The following RSRC1 variants were observed in gnomAD, a reference collection of about 807,000 sequenced individuals.
RSRC1 encodes serine/Arginine-related protein 53.
A neutral mutation model predicts 49.1 loss-of-function variants in RSRC1; 39 were observed. The ratio of observed to expected loss-of-function variants is 0.79; its 90% CI spans 0.61 to 1.04. RSRC1 has a LOEUF of 1.04. Ranked by LOEUF, RSRC1 falls within the 50% of genes least tolerant of loss-of-function variation. The pLI is 0.00. For missense variants in RSRC1, 388 were observed against 402.4 expected (o/e 0.96, Z 0.31); for synonymous variants, 143 against 130.8 (o/e 1.09, Z -0.63).
rs1200734084 is a variant in RSRC1, at chr3:158,208,056, A to G, written c.494+4811A>G. ...AGGTCTCAGGAGTTTCTAGGGACTA[A>G]AAGATGCCTTTCCTTATAACACTGT... On this transcript the variant is annotated intron_variant, in intron 4 of 9. Coordinates refer to ENST00000611884, the MANE Select transcript of RSRC1 (RefSeq NM_001271838.2). Among the ~76,000 whole-genome samples the G allele has an allele frequency of 4.6e-5, 7 of 152,154 alleles. No homozygotes were observed. In the East Asian group the frequency reaches 1.3e-3, roughly 29 times the overall value.
rs1731050729 is a variant in RSRC1, at chr3:158,354,445, A to G, written c.532-412A>G. 2.0e-5 allele frequency among the ~76,000 whole-genome samples: 3 copies of G among 152,228 alleles called. No homozygotes were observed. The South Asian group carries it at 6.2e-4, about 31-fold the overall frequency. On this transcript the variant is annotated intron_variant, in intron 5 of 9. Transcript: ENST00000611884. ...TTTAAATTCCAGTTAGGAAAGCAGAAAAGTGGTTTTAGAGTCTGACTTACC... is the reference window on the plus strand; with the variant it reads ...TTTAAATTCCAGTTAGGAAAGCAGAGAAGTGGTTTTAGAGTCTGACTTACC...
chr3:158,229,084 GTATAAACACACATACGTGTATATGTGTA>G (rs1722741203), intron 4 of RSRC1, among the ~76,000 whole-genome samples: 1 of 17,540 alleles, frequency 5.7e-5, no homozygotes, highest in African/African-American at 3.5e-4. Context: ...GTATATGTGT[GTATAAACACACATACGTGTATATGTGTA>G]TATAAACATA....
chr3:158,137,730 T>G (rs916577097), intron 3 of RSRC1, among the ~76,000 whole-genome samples: 2 of 150,458 alleles, frequency 1.3e-5, no homozygotes, highest in African/African-American at 2.4e-5. Context: ...CTCAGCTCAC[T>G]GCGACCTCCG....
At chr3:158,189,577 C>T (rs1252569009) in intron 3 of RSRC1, among the ~76,000 whole-genome samples, 1 of 151,832 alleles carries the variant, frequency 6.6e-6, no homozygotes, top group East Asian at 1.9e-4. Context: ...CACCATGTTT[C>T]TTTTTGTTAG....
At chr3:158,511,222 C>A (rs1740153740) in intron 7 of RSRC1, among the ~76,000 whole-genome samples, 1 of 152,068 alleles carries the variant, frequency 6.6e-6, no homozygotes, top group Non-Finnish European at 1.5e-5. Context: ...CGTCATCTAG[C>A]ATTAGGTATA....
chr3:158,330,053 C>T (rs974578594), intron 5 of RSRC1, among the ~76,000 whole-genome samples: 1 of 152,356 alleles, frequency 6.6e-6, no homozygotes, highest in Non-Finnish European at 1.5e-5. Flanking sequence ...ATATTATCTC[C>T]TGGTGTGCCG....
At chr3:158,392,013 TATA>T (rs962099212) in intron 6 of RSRC1, among the ~76,000 whole-genome samples, 11 of 152,108 alleles carry the variant, frequency 7.2e-5, no homozygotes, top group Non-Finnish European at 4.4e-5. Flanking sequence ...GACCCTTGAT[TATA>T]ATAATAAGAT....
At chr3:158,318,026 CGT>C (rs143213290) in intron 5 of RSRC1, among the ~76,000 whole-genome samples, 66,249 of 149,154 alleles carry the variant, frequency 0.44, 14,725 homozygotes, top group South Asian at 0.56. Flanking sequence ...TTTGTGTGTG[CGT>C]GTGTGTGTGT....
At chr3:158,326,819 T>G (rs1578341129) in intron 5 of RSRC1, among the ~76,000 whole-genome samples, 1 of 152,224 alleles carries the variant, frequency 6.6e-6, no homozygotes, top group East Asian at 1.9e-4. Context: ...AGCTCCTCCT[T>G]GTACCTCTGG....
Position 158,334,520 on chromosome 3 carries a change from C to T in RSRC1, c.532-20337C>T, listed in dbSNP as rs191377679. Among the ~76,000 whole-genome samples the T allele has an allele frequency of 5.3e-5, 8 of 150,200 alleles. No individual in the cohort carries two copies. The East Asian group carries it at 5.9e-4, about 11-fold the overall frequency. On this transcript the variant is annotated intron_variant, in intron 5 of 9. Coordinates refer to ENST00000611884, the MANE Select transcript of RSRC1 (RefSeq NM_001271838.2). ...TTTTTTTAAGATGGAGTCACTGTGTCGCCAGGCTGGAGTGCAGTGGTGCGA... is the reference window on the plus strand; with the variant it reads ...TTTTTTTAAGATGGAGTCACTGTGTTGCCAGGCTGGAGTGCAGTGGTGCGA...
chr3:158,127,015 G>C (rs1200360031), intron 3 of RSRC1, among the ~76,000 whole-genome samples: 1 of 152,022 alleles, frequency 6.6e-6, no homozygotes, highest in Non-Finnish European at 1.5e-5. Flanking sequence ...GCTCCCTTGT[G>C]TATGACGATT....
At chr3:158,186,138 C>G (rs890655302) in intron 3 of RSRC1, among the ~76,000 whole-genome samples, 1 of 151,490 alleles carries the variant, frequency 6.6e-6, no homozygotes, top group Non-Finnish European at 1.5e-5. Context: ...CAATAAACGC[C>G]GTTTTAAAAA....
At chr3:158,425,161 A>T (rs942790252) in intron 6 of RSRC1, among the ~76,000 whole-genome samples, 17 of 151,412 alleles carry the variant, frequency 1.1e-4, no homozygotes, top group Non-Finnish European at 1.9e-4. Context: ...AGTTCTTTTA[A>T]TTGTGATGTT....
At chr3:158,375,944 G>A (rs1403152869) in intron 6 of RSRC1, among the ~76,000 whole-genome samples, 3 of 152,008 alleles carry the variant, frequency 2.0e-5, no homozygotes, top group Non-Finnish European at 4.4e-5. Flanking sequence ...GCCATGGATG[G>A]TTTCTCAATT....
chr3:158,491,611 A>G (rs1166975794), intron 7 of RSRC1, among the ~76,000 whole-genome samples: 1 of 152,198 alleles, frequency 6.6e-6, no homozygotes, highest in East Asian at 1.9e-4. Context: ...CTTTAACTGA[A>G]AATTTTAGTT....
intron 4 of RSRC1, among the ~76,000 whole-genome samples, chr3:158,211,854 TAAC>T (rs1441501659): frequency 6.6e-6 from 1 of 152,002 alleles, no homozygotes. Flanking sequence ...AAAACAGTTT[TAAC>T]TATTGGTTTT....
chr3:158,224,201 T>C (rs1722388160), intron 4 of RSRC1, among the ~76,000 whole-genome samples: 1 of 151,888 alleles, frequency 6.6e-6, no homozygotes. Context: ...TCAGGTTTCT[T>C]CATCACCTTT....
At chr3:158,302,421 T>C (rs1374382193) in intron 5 of RSRC1, among the ~76,000 whole-genome samples, 1 of 152,088 alleles carries the variant, frequency 6.6e-6, no homozygotes, top group Non-Finnish European at 1.5e-5. Context: ...TGTAATGAAC[T>C]TAAGAAAATA....
chr3:158,447,210 G>T (rs1736770034), intron 6 of RSRC1, among the ~76,000 whole-genome samples: 1 of 151,698 alleles, frequency 6.6e-6, no homozygotes, highest in African/African-American at 2.4e-5. Context: ...TAGTATAGAG[G>T]GTGTATATAT....
Sources: allele counts gnomAD v4.1 joint callset (sites outside exome capture counted in the v4.1 genomes callset), GRCh38; gene constraint gnomAD v4.1.1; transcripts MANE v1.5; gene names NCBI Gene and HGNC (gene_info 2026-07-23, HGNC 2026-07-21).